THSD7B: variants seen among roughly 807,000 people sequenced by gnomAD.
The protein encoded by THSD7B is thrombospondin type-1 domain-containing protein 7B.
Under a neutral mutation model 213.6 loss-of-function variants are expected in THSD7B, and 138 were observed. The observed-to-expected ratio is 0.65, with a 90% CI of 0.56 to 0.74. THSD7B has a LOEUF of 0.74. Ranked by LOEUF, THSD7B falls within the 30% of genes least tolerant of loss-of-function variation. The probability of loss-of-function intolerance (pLI) is 0.00; values close to 1 mark genes in which losing one functional copy is unlikely to be tolerated. For missense variants in THSD7B, 1,931 were observed against 1,991.5 expected (o/e 0.97, Z 0.58); for synonymous variants, 742 against 687.0 (o/e 1.08, Z -1.25).
intron 14 of THSD7B, among the ~76,000 whole-genome samples, chr2:137,435,931 C>T (rs1687281081): frequency 6.6e-6 from 1 of 152,110 alleles, no homozygotes; most frequent in Non-Finnish European, 1.5e-5. Context: ...ACTTTCTCTC[C>T]ATCTCACATT....
chr2:136,841,956 T>G (rs1025315125), intron 1 of THSD7B, among the ~76,000 whole-genome samples: 1 of 152,182 alleles, frequency 6.6e-6, no homozygotes, highest in South Asian at 2.1e-4. Context: ...GCAAAGAAAA[T>G]AAAAATATGC....
chr2:137,488,631 G>A (rs1229146776), intron 15 of THSD7B, among the ~76,000 whole-genome samples: 4 of 152,072 alleles, frequency 2.6e-5, no homozygotes, highest in Non-Finnish European at 4.4e-5. Flanking sequence ...TTCCTTCCAC[G>A]TGTGCATGCA....
chr2:136,833,319 G>T (rs1482263539), intron 1 of THSD7B, among the ~76,000 whole-genome samples: 2 of 117,710 alleles, frequency 1.7e-5, no homozygotes, highest in Non-Finnish European at 3.2e-5. Context: ...AGCTGAGATA[G>T]TGCCACTGCA....
intron 2 of THSD7B, among the ~76,000 whole-genome samples, chr2:136,907,022 G>A (rs1684176901): frequency 8.0e-6 from 1 of 125,492 alleles, no homozygotes; most frequent in South Asian, 2.7e-4. Flanking sequence ...TTGGCTCACT[G>A]CAACCTCCAC....
intron 15 of THSD7B, among the ~76,000 whole-genome samples, chr2:137,484,127 G>T (rs953036100): frequency 6.7e-6 from 1 of 149,496 alleles, no homozygotes; most frequent in African/African-American, 2.5e-5. Flanking sequence ...CCATTACCTC[G>T]TCATTTAGCA....
At chr2:137,103,387 T>A in intron 4 of THSD7B, among the ~76,000 whole-genome samples, 1 of 152,166 alleles carries the variant, frequency 6.6e-6, no homozygotes, top group East Asian at 1.9e-4. Flanking sequence ...AAGGAAGCAC[T>A]AAATATGGAG....
At chr2:137,054,933 C>T (rs550774614) in intron 2 of THSD7B, among the ~76,000 whole-genome samples, 1 of 150,332 alleles carries the variant, frequency 6.7e-6, no homozygotes, top group Non-Finnish European at 1.5e-5. Flanking sequence ...CCCACCCTTG[C>T]CCCCCATACC....
At chr2:136,868,123 C>T (rs1683374369) in intron 1 of THSD7B, among the ~76,000 whole-genome samples, 1 of 138,816 alleles carries the variant, frequency 7.2e-6, no homozygotes, top group Admixed American at 7.1e-5. Flanking sequence ...CGCGCGCGCA[C>T]ACACACACAC....
At chr2:136,961,518 C>A (rs1395723207) in intron 2 of THSD7B, among the ~76,000 whole-genome samples, 1 of 152,114 alleles carries the variant, frequency 6.6e-6, no homozygotes, top group Non-Finnish European at 1.5e-5. Context: ...ATGCTCCCAG[C>A]CTGTATTTTT....
Position 136,821,146 on chromosome 2 carries a change from C to T in THSD7B, c.-36+55459C>T, listed in dbSNP as rs538643416. On this transcript the variant is annotated intron_variant, in intron 1 of 27. Coordinates refer to ENST00000409968, the MANE Select transcript of THSD7B (RefSeq NM_001316349.2). Reference sequence around the variant, plus strand: ...TAATGAAAATTAGAAAAAAAGAAAGCGAATGTGGTAGGTATGACTGGCCAG... The same window carrying T: ...TAATGAAAATTAGAAAAAAAGAAAGTGAATGTGGTAGGTATGACTGGCCAG... Among the ~76,000 whole-genome samples the T allele has an allele frequency of 3.4e-4, 51 of 152,128 alleles. No homozygotes were observed. The East Asian group carries it at 7.1e-3, about 21-fold the overall frequency.
At chr2:136,997,255 C>T (rs899745429) in intron 2 of THSD7B, among the ~76,000 whole-genome samples, 1 of 152,142 alleles carries the variant, frequency 6.6e-6, no homozygotes, top group Admixed American at 6.5e-5. Flanking sequence ...CCTTTTTCTT[C>T]CCTTTCATCT....
chr2:136,957,558 C>CT (rs1202117610), intron 2 of THSD7B, among the ~76,000 whole-genome samples: 1 of 151,556 alleles, frequency 6.6e-6, no homozygotes, highest in Non-Finnish European at 1.5e-5. Flanking sequence ...AAAGTATTTC[C>CT]TTTTTTGTTG....
intron 2 of THSD7B, among the ~76,000 whole-genome samples, chr2:136,909,873 T>C (rs1182681357): frequency 6.6e-6 from 1 of 152,184 alleles, no homozygotes. Context: ...TTGGTTTTCT[T>C]TACTATTTCC....
chr2:137,483,885 G>C (rs985725650), intron 15 of THSD7B, among the ~76,000 whole-genome samples: 4 of 152,096 alleles, frequency 2.6e-5, no homozygotes, highest in African/African-American at 4.8e-5. Flanking sequence ...GAGGGAGCGA[G>C]ACCTAAAGAA....
rs373672905 is a variant in THSD7B, at chr2:137,388,956, A to G, written c.2501-16657A>G. Among the ~76,000 whole-genome samples the G allele has an allele frequency of 6.3e-4, 96 of 152,086 alleles. 1 individual carries two copies. The East Asian group carries it at 0.013, about 21-fold the overall frequency. On this transcript the variant is annotated intron_variant, in intron 12 of 27. Coordinates refer to ENST00000409968, the MANE Select transcript of THSD7B (RefSeq NM_001316349.2). Reference sequence around the variant, plus strand: ...TTGATTCCATATCGTTGCAATTATGAATATTGCTGCAATAAACATGGGGGC... The same window carrying G: ...TTGATTCCATATCGTTGCAATTATGGATATTGCTGCAATAAACATGGGGGC...
chr2:137,284,765 T>G (rs879207579), intron 12 of THSD7B, among the ~76,000 whole-genome samples: 2 of 152,106 alleles, frequency 1.3e-5, no homozygotes, highest in African/African-American at 2.4e-5. Context: ...GTCTGAGAGA[T>G]AGTTTGTTAG....
At chr2:137,631,937 G>T (rs572922678) in intron 20 of THSD7B, among the ~76,000 whole-genome samples, 1 of 152,034 alleles carries the variant, frequency 6.6e-6, no homozygotes, top group East Asian at 1.9e-4. Flanking sequence ...GTTGGTCAAG[G>T]GTATAATTAC....
At chr2:137,135,802 G>C (rs1408399530) in intron 5 of THSD7B, among the ~76,000 whole-genome samples, 2 of 151,892 alleles carry the variant, frequency 1.3e-5, no homozygotes, top group East Asian at 3.9e-4. Context: ...ATGCATGTTT[G>C]CCTAAAGATT....
At chr2:137,149,185 G>A (rs1403190104) in intron 5 of THSD7B, among the ~76,000 whole-genome samples, 1 of 152,192 alleles carries the variant, frequency 6.6e-6, no homozygotes, top group Non-Finnish European at 1.5e-5. Context: ...TGTGTATGTG[G>A]TGTTGGGCCT....
Sources: allele counts gnomAD v4.1 joint callset (sites outside exome capture counted in the v4.1 genomes callset), GRCh38; gene constraint gnomAD v4.1.1; transcripts MANE v1.5; gene names NCBI Gene and HGNC (gene_info 2026-07-23, HGNC 2026-07-21).